The following NTNG1 variants were observed in gnomAD, a reference collection of about 807,000 sequenced individuals.
The protein encoded by NTNG1 is netrin G1.
In NTNG1, 16 loss-of-function variants were observed where a neutral mutation model predicts 54.0. The observed-to-expected ratio is 0.30, with a 90% CI of 0.20 to 0.45. NTNG1 has a LOEUF of 0.45. Ranked by LOEUF, NTNG1 falls within the 20% of genes least tolerant of loss-of-function variation. The pLI is 1.00. For synonymous variants in NTNG1, 255 were observed against 263.1 expected, an observed-to-expected ratio of 0.97 and a Z score of 0.30; for missense variants, 530 against 678.7, an observed-to-expected ratio of 0.78 and a Z score of 2.43.
In NTNG1 at chr1:107,484,104, G is replaced by A. The variant is rs888299483; in HGVS notation, c.*3264G>A. The stretch of plus-strand genomic sequence containing the variant: ...TGGGGGTTTAAACTCCTGGAGGCAA[G>A]CAACATCCTGAGTGCATATACCTGG... On this transcript the variant is annotated 3_prime_UTR_variant, in exon 8 of 8. Coordinates refer to ENST00000370068, the MANE Select transcript of NTNG1 (RefSeq NM_001113226.3). 6.6e-6 allele frequency among the ~76,000 whole-genome samples: 1 copy of A among 152,212 alleles called. No homozygotes were observed. Among genetic ancestry groups the A allele is most frequent in the Admixed American group, 6.5e-5 (1 of 15,286 alleles).
chr1:107,283,379 G>C (rs1444917549), intron 2 of NTNG1, among the ~76,000 whole-genome samples: 1 of 152,106 alleles, frequency 6.6e-6, no homozygotes, highest in Non-Finnish European at 1.5e-5. Context: ...ACTCCTAACA[G>C]AGCCAGCTCC....
chr1:107,378,069 T>G (rs550320482), intron 3 of NTNG1, among the ~76,000 whole-genome samples: 65 of 152,364 alleles, frequency 4.3e-4, no homozygotes, highest in Non-Finnish European at 7.2e-4. Flanking sequence ...TAAATGTCCC[T>G]ATTTAATGTA....
intron 2 of NTNG1, among the ~76,000 whole-genome samples, chr1:107,284,894 G>T (rs1665092745): frequency 6.6e-6 from 1 of 152,068 alleles, no homozygotes; most frequent in African/African-American, 2.4e-5. Flanking sequence ...GCTGTTGATA[G>T]ATTGATTAGT....
chr1:107,439,383 C>G (rs1675815363), intron 7 of NTNG1, among the ~76,000 whole-genome samples: 1 of 151,666 alleles, frequency 6.6e-6, no homozygotes, highest in Admixed American at 6.6e-5. Flanking sequence ...TCATGAATCC[C>G]AAGCTAAGAC....
chr1:107,376,576 C>T (rs914477806), intron 3 of NTNG1, among the ~76,000 whole-genome samples: 1 of 152,218 alleles, frequency 6.6e-6, no homozygotes, highest in Admixed American at 6.5e-5. Context: ...CCTACCCACT[C>T]TGCCGTGCCA....
intron 2 of NTNG1, among the ~76,000 whole-genome samples, chr1:107,302,326 C>T (rs1400546876): frequency 2.0e-5 from 3 of 152,146 alleles, no homozygotes; most frequent in East Asian, 1.9e-4. Context: ...CCTGCTTGAT[C>T]TTGATCATGT....
At chr1:107,381,270 A>G (rs557435683) in intron 3 of NTNG1, among the ~76,000 whole-genome samples, 1 of 151,092 alleles carries the variant, frequency 6.6e-6, no homozygotes, top group Admixed American at 6.6e-5. Context: ...CCTAAGGTCA[A>G]ACAGCTTTTA....
intron 2 of NTNG1, among the ~76,000 whole-genome samples, chr1:107,294,415 G>C (rs946600557): frequency 6.6e-6 from 1 of 152,128 alleles, no homozygotes; most frequent in Non-Finnish European, 1.5e-5. Context: ...CTGCATGCCT[G>C]TTCATTGCCA....
intron 2 of NTNG1, among the ~76,000 whole-genome samples, chr1:107,182,947 T>A (rs900707979): frequency 3.3e-5 from 5 of 152,158 alleles, no homozygotes; most frequent in African/African-American, 1.2e-4. Flanking sequence ...GAAGGAGAAT[T>A]CCAGTGATAT....
intron 2 of NTNG1, among the ~76,000 whole-genome samples, chr1:107,212,955 C>G (rs536345700): frequency 6.6e-6 from 1 of 151,822 alleles, no homozygotes; most frequent in African/African-American, 2.4e-5. Flanking sequence ...GGGAACATCC[C>G]AGGGCAATGC....
chr1:107,299,517 G>A (rs868686252), intron 2 of NTNG1, among the ~76,000 whole-genome samples: 5 of 151,998 alleles, frequency 3.3e-5, no homozygotes, highest in Non-Finnish European at 7.4e-5. Context: ...AGGACTTTAC[G>A]TATCTTATTT....
At chr1:107,420,615 GCTGA>G (rs555207152) in intron 5 of NTNG1, among the ~76,000 whole-genome samples, 156 of 152,122 alleles carry the variant, frequency 1.0e-3, no homozygotes, top group African/African-American at 3.6e-3. Context: ...CTGCTGAATG[GCTGA>G]CTATTGGGAC....
intron 2 of NTNG1, among the ~76,000 whole-genome samples, chr1:107,312,210 G>A (rs934812473): frequency 2.6e-5 from 4 of 151,958 alleles, no homozygotes; most frequent in Non-Finnish European, 4.4e-5. Context: ...ATGAAGCTGC[G>A]GTGAAAAATT....
intron 2 of NTNG1, among the ~76,000 whole-genome samples, chr1:107,247,704 G>A (rs188966054): frequency 6.6e-6 from 1 of 152,158 alleles, no homozygotes; most frequent in Admixed American, 6.5e-5. Flanking sequence ...TAAAGGAGAA[G>A]ATCTCATTTA....
At chr1:107,254,511 C>T (rs907892286) in intron 2 of NTNG1, among the ~76,000 whole-genome samples, 8 of 152,236 alleles carry the variant, frequency 5.3e-5, no homozygotes, top group African/African-American at 1.2e-4. Context: ...CGGGCTCCTT[C>T]TGAAGAATCC....
At chr1:107,441,346 G>A (rs749702629) in intron 7 of NTNG1, among the ~76,000 whole-genome samples, 1 of 152,034 alleles carries the variant, frequency 6.6e-6, no homozygotes, top group Non-Finnish European at 1.5e-5. Flanking sequence ...TATGCTGCAG[G>A]GTTTATTAAA....
intron 7 of NTNG1, among the ~76,000 whole-genome samples, chr1:107,478,731 G>A (rs1275879812): frequency 6.6e-6 from 1 of 152,196 alleles, no homozygotes; most frequent in Non-Finnish European, 1.5e-5. Flanking sequence ...GCTGAAAACA[G>A]TTATCTGGAT....
intron 2 of NTNG1, among the ~76,000 whole-genome samples, chr1:107,317,367 T>A (rs1376055316): frequency 6.6e-6 from 1 of 152,204 alleles, no homozygotes; most frequent in Non-Finnish European, 1.5e-5. Flanking sequence ...TATTAGTGAT[T>A]TTTTAAAGAA....
rs1675514055 is a variant in NTNG1, at chr1:107,435,098, T to G, written c.1256-1567T>G. 2.0e-5 allele frequency among the ~76,000 whole-genome samples: 3 copies of G among 152,266 alleles called. No homozygotes were observed. The South Asian group carries it at 6.2e-4, about 32-fold the overall frequency. Reference sequence around the variant, plus strand: ...TAATTGACTGGAGGAGTATGTGAATTCACGTTGGCCAGATGTAACTCTGCT... The same window carrying G: ...TAATTGACTGGAGGAGTATGTGAATGCACGTTGGCCAGATGTAACTCTGCT... On this transcript the variant is annotated intron_variant, in intron 6 of 7. Coordinates refer to ENST00000370068, the MANE Select transcript of NTNG1 (RefSeq NM_001113226.3).
Sources: gnomAD v4.1 joint callset for allele counts (sites outside exome capture counted in the v4.1 genomes callset) on GRCh38, gnomAD v4.1.1 for gene constraint, MANE v1.5 for transcripts, NCBI Gene and HGNC (gene_info 2026-07-23, HGNC 2026-07-21) for gene names.